ASTN2: variants seen among roughly 807,000 people sequenced by gnomAD.
The protein encoded by ASTN2 is astrotactin-2.
In ASTN2, 54 loss-of-function variants were observed where a neutral mutation model predicts 139.8. The ratio of observed to expected loss-of-function variants is 0.39; its 90% CI spans 0.31 to 0.48. The LOEUF is 0.48. ASTN2 is among the 20% of genes least tolerant of loss of function. The pLI, the probability that ASTN2 is intolerant of heterozygous loss-of-function variation, is 0.95. For synonymous variants in ASTN2, 756 were observed against 719.5 expected, an observed-to-expected ratio of 1.05 and a Z score of -0.81; for missense variants, 1,565 against 1,725.1, an observed-to-expected ratio of 0.91 and a Z score of 1.64.
chr9:116,984,630 A>G (rs567781260), intron 7 of ASTN2, among the ~76,000 whole-genome samples: 5 of 152,246 alleles, frequency 3.3e-5, no homozygotes, highest in Non-Finnish European at 7.3e-5. Flanking sequence ...AGGAGAGACT[A>G]AAGTAAGAGG....
intron 11 of ASTN2, among the ~76,000 whole-genome samples, chr9:116,823,088 C>A (rs1831534742): frequency 6.6e-6 from 1 of 152,200 alleles, no homozygotes; most frequent in African/African-American, 2.4e-5. Flanking sequence ...GAAGGAGCAC[C>A]ACCAGAAATC....
chr9:116,928,596 A>G (rs1441779862), intron 10 of ASTN2, among the ~76,000 whole-genome samples: 2 of 152,158 alleles, frequency 1.3e-5, no homozygotes, highest in African/African-American at 4.8e-5. Flanking sequence ...TAAATCATAC[A>G]CTCCATGAGT....
intron 10 of ASTN2, among the ~76,000 whole-genome samples, chr9:116,956,893 C>T: frequency 6.6e-6 from 1 of 152,092 alleles, no homozygotes; most frequent in East Asian, 1.9e-4. Context: ...TGTAAGACTT[C>T]TACATTAAGA....
rs35261157 is a variant in ASTN2 at position 116,668,195 on chromosome 9, C to CT, written c.2807-16403dup. 4.4e-3 allele frequency among the ~76,000 whole-genome samples: 604 copies of CT among 137,456 alleles called. 4 individuals are homozygous for CT. Among genetic ancestry groups the CT allele is most frequent in the East Asian group, 0.012 (57 of 4,734 alleles). 90.2% of individuals were successfully genotyped at this position (137,456 alleles called of 152,430 possible). On this transcript the variant is annotated intron_variant, in intron 16 of 22. Coordinates refer to ENST00000313400, the MANE Select transcript of ASTN2 (RefSeq NM_001365068.1). The stretch of plus-strand genomic sequence containing the variant: ...ATACAGTATATAGATTTCAGATTGG[C>CT]TTTTTTTTTTTTTTTTGAGACAGTC...
At chr9:117,230,567 G>C (rs922665691) in intron 2 of ASTN2, among the ~76,000 whole-genome samples, 2 of 152,080 alleles carry the variant, frequency 1.3e-5, no homozygotes, top group Non-Finnish European at 2.9e-5. Flanking sequence ...TGGGGTTCTG[G>C]GTAGACATCA....
chr9:117,186,353 T>C (rs1007262536), intron 3 of ASTN2, among the ~76,000 whole-genome samples: 4 of 150,980 alleles, frequency 2.6e-5, no homozygotes, highest in Non-Finnish European at 5.9e-5. Flanking sequence ...GAGACCACCC[T>C]GGCTAACACG....
At chr9:116,762,763 C>T (rs1041212432) in intron 13 of ASTN2, among the ~76,000 whole-genome samples, 1 of 152,188 alleles carries the variant, frequency 6.6e-6, no homozygotes, top group Non-Finnish European at 1.5e-5. Context: ...TTGTCTATGG[C>T]TGTTTTGCCA....
At chr9:116,481,420 G>C (rs936335125) in intron 20 of ASTN2, among the ~76,000 whole-genome samples, 13 of 152,136 alleles carry the variant, frequency 8.5e-5, no homozygotes, top group African/African-American at 2.9e-4. Flanking sequence ...GAAACAGAGA[G>C]GTGAAGAAAC....
intron 20 of ASTN2, among the ~76,000 whole-genome samples, chr9:116,468,659 T>C (rs1269143387): frequency 1.3e-5 from 2 of 152,226 alleles, no homozygotes; most frequent in African/African-American, 4.8e-5. Flanking sequence ...GCTAGTGTAT[T>C]AGCCAGAGTG....
intron 10 of ASTN2, among the ~76,000 whole-genome samples, chr9:116,917,976 T>C (rs905884416): frequency 6.6e-5 from 10 of 152,138 alleles, no homozygotes; most frequent in Non-Finnish European, 1.5e-4. Context: ...TGGGGGCTGG[T>C]CTTTCCCATG....
chr9:116,791,019 GAAAGAAA>G (rs1830535195), intron 13 of ASTN2, among the ~76,000 whole-genome samples: 1 of 127,816 alleles, frequency 7.8e-6, no homozygotes, highest in East Asian at 5.2e-4. Flanking sequence ...AAGAAAGAAA[GAAAGAAA>G]GAAAGAAAGA....
At chr9:116,736,436 C>T (rs929428690) in intron 13 of ASTN2, among the ~76,000 whole-genome samples, 6 of 152,146 alleles carry the variant, frequency 3.9e-5, no homozygotes, top group African/African-American at 7.2e-5. Context: ...CTCCTCATCA[C>T]TGCTTGGGTA....
chr9:116,557,223 C>CAAAAAAA (rs60756690), intron 19 of ASTN2, among the ~76,000 whole-genome samples: 35 of 53,584 alleles, frequency 6.5e-4, no homozygotes, highest in East Asian at 1.8e-3. Context: ...GACTCTGTCT[C>CAAAAAAA]AAAAAAAAAA....
intron 3 of ASTN2, among the ~76,000 whole-genome samples, chr9:117,155,548 A>G (rs1588023920): frequency 6.6e-6 from 1 of 151,898 alleles, no homozygotes; most frequent in South Asian, 2.1e-4. Context: ...GAACCTCAAA[A>G]CCAAGCCCCT....
intron 16 of ASTN2, among the ~76,000 whole-genome samples, chr9:116,655,676 T>C (rs1381063927): frequency 6.6e-6 from 1 of 152,130 alleles, no homozygotes; most frequent in East Asian, 1.9e-4. Context: ...GAATTCCTCA[T>C]GCCACTAACG....
At chr9:117,028,420 A>T (rs1019176239) in intron 6 of ASTN2, among the ~76,000 whole-genome samples, 7 of 152,126 alleles carry the variant, frequency 4.6e-5, no homozygotes, top group Non-Finnish European at 8.8e-5. Flanking sequence ...AGCGCTGGGG[A>T]AGGGGGAGCA....
At chr9:116,429,540 G>A (rs1158372105) in intron 22 of ASTN2, among the ~76,000 whole-genome samples, 5 of 152,090 alleles carry the variant, frequency 3.3e-5, no homozygotes, top group South Asian at 4.1e-4. Context: ...GTCAGTACAC[G>A]TCAAACTCTT....
chr9:116,597,302 T>TTTGTTTTTTG (rs1169673304), intron 19 of ASTN2, among the ~76,000 whole-genome samples: 2 of 122,878 alleles, frequency 1.6e-5, no homozygotes, highest in African/African-American at 3.8e-5. Flanking sequence ...TTGATCTATT[T>TTTGTTTTTTG]TTTTTTTTTT....
At chr9:117,393,409 C>T (rs904171620) in intron 1 of ASTN2, among the ~76,000 whole-genome samples, 1 of 151,186 alleles carries the variant, frequency 6.6e-6, no homozygotes, top group Admixed American at 6.6e-5. Context: ...AGAAAAGAGA[C>T]ATTAAAAGTA....
Sources: gnomAD v4.1 joint callset for allele counts (sites outside exome capture counted in the v4.1 genomes callset) on GRCh38, gnomAD v4.1.1 for gene constraint, MANE v1.5 for transcripts, NCBI Gene and HGNC (gene_info 2026-07-23, HGNC 2026-07-21) for gene names.